The following ARHGEF28 variants were observed in gnomAD, a reference collection of about 807,000 sequenced individuals.
ARHGEF28 encodes Rho guanine nucleotide exchange factor 28.
A neutral mutation model predicts 206.6 loss-of-function variants in ARHGEF28; 152 were observed. That is an observed-to-expected ratio of 0.74 (90% confidence interval 0.64 to 0.84). The LOEUF (loss-of-function observed/expected upper bound fraction) is 0.84, where lower values mean the gene tolerates loss of function less well. ARHGEF28 is among the 40% of genes least tolerant of loss of function. ARHGEF28 has a pLI of 0.00. For synonymous variants in ARHGEF28, 763 were observed against 776.4 expected, an observed-to-expected ratio of 0.98 and a Z score of 0.29; for missense variants, 2,028 against 2,073.2, an observed-to-expected ratio of 0.98 and a Z score of 0.42.
intron 2 of ARHGEF28, among the ~76,000 whole-genome samples, chr5:73,723,133 C>T (rs568342438): frequency 3.4e-4 from 51 of 152,176 alleles, no homozygotes; most frequent in Non-Finnish European, 5.0e-4. Flanking sequence ...AGGTTAGTCT[C>T]CTCTCTTATC....
At chr5:73,686,536 C>T (rs1487947382) in intron 2 of ARHGEF28, among the ~76,000 whole-genome samples, 80 of 123,788 alleles carry the variant, frequency 6.5e-4, no homozygotes, top group African/African-American at 1.5e-3. Context: ...TTTTTTTTTT[C>T]GAGACGGAGT....
chr5:73,765,677 A>G (rs763399160), intron 4 of ARHGEF28, among the ~76,000 whole-genome samples: 40 of 152,170 alleles, frequency 2.6e-4, no homozygotes, highest in Non-Finnish European at 5.0e-4. Flanking sequence ...GGACCACCAC[A>G]CTCATCTTTG....
At chr5:73,756,998 G>A (rs1752349586) in intron 4 of ARHGEF28, among the ~76,000 whole-genome samples, 1 of 152,188 alleles carries the variant, frequency 6.6e-6, no homozygotes, top group Non-Finnish European at 1.5e-5. Flanking sequence ...CTCTATGGAT[G>A]TATTTTGACT....
chr5:73,859,539 C>T (rs1759260721), intron 16 of ARHGEF28, among the ~76,000 whole-genome samples: 1 of 152,184 alleles, frequency 6.6e-6, no homozygotes, highest in Non-Finnish European at 1.5e-5. Context: ...TCACAGTTGA[C>T]ATTGTGTTTA....
At chr5:73,886,496 G>A (rs1370376586) in intron 25 of ARHGEF28, among the ~76,000 whole-genome samples, 1 of 152,132 alleles carries the variant, frequency 6.6e-6, no homozygotes, top group Admixed American at 6.5e-5. Flanking sequence ...GACAATGGAG[G>A]GGAGAAATAA....
chr5:73,869,908 A>AG (rs1759983655), intron 20 of ARHGEF28, among the ~76,000 whole-genome samples, 161 bp from the exon 21 acceptor site: 1 of 152,014 alleles, frequency 6.6e-6, no homozygotes, highest in East Asian at 1.9e-4. Context: ...ACTGTCTCAA[A>AG]AAAAAACAGA....
intron 12 of ARHGEF28, among the ~76,000 whole-genome samples, chr5:73,847,847 G>T: frequency 6.6e-6 from 1 of 152,180 alleles, no homozygotes; most frequent in East Asian, 1.9e-4. Context: ...AGGACAACTT[G>T]GGTTGGCCTT....
intron 16 of ARHGEF28, among the ~76,000 whole-genome samples, chr5:73,861,944 T>G (rs898752984): frequency 1.3e-5 from 2 of 152,196 alleles, no homozygotes; most frequent in African/African-American, 4.8e-5. Context: ...ATACATACAG[T>G]CTCTGCTGTT....
In ARHGEF28 at chr5:73,822,609, G is replaced by A. The variant is rs571779228; in HGVS notation, c.1025-9729G>A. 2.0e-5 allele frequency among the ~76,000 whole-genome samples: 3 copies of A among 152,250 alleles called. No individual in the cohort carries two copies. The South Asian group carries it at 6.2e-4, about 32-fold the overall frequency. On this transcript the variant is annotated intron_variant, in intron 9 of 35. Transcript: ENST00000513042. ...GGAATGGGCGAGGAGATGAATGCTA[G>A]TTTACCTCTGGAAATGTCCTGCCCA...
intron 35 of ARHGEF28, among the ~76,000 whole-genome samples, chr5:73,926,162 TAAG>T (rs941057089): frequency 2.0e-5 from 3 of 152,194 alleles, no homozygotes; most frequent in Non-Finnish European, 4.4e-5. Context: ...AATGAATGAA[TAAG>T]AAGTTCAAAT....
intron 7 of ARHGEF28, among the ~76,000 whole-genome samples, chr5:73,783,380 G>A (rs34724928): frequency 0.29 from 41,601 of 141,884 alleles, 6,420 homozygotes; most frequent in Non-Finnish European, 0.39. Context: ...GTGTGTGTGT[G>A]TGTGTATGTG....
intron 3 of ARHGEF28, among the ~76,000 whole-genome samples, 188 bp from the exon 4 acceptor site, chr5:73,752,721 A>T (rs73763108): frequency 0.015 from 2,233 of 152,274 alleles, 41 homozygotes; most frequent in African/African-American, 0.051. Context: ...CTGAAAGAAG[A>T]TGGAGTCAGC....
rs1363189906 is a variant in ARHGEF28, at chr5:73,694,462, G to A, written c.33+9578G>A. ...AGAACTTGAAGTAGCCGATATTTTT[G>A]TTCTGTTTGAGTTTTTAAAATGTTT... On this transcript the variant is annotated intron_variant, in intron 2 of 35. Coordinates refer to ENST00000513042, the MANE Select transcript of ARHGEF28 (RefSeq NM_001177693.2). Among the ~76,000 whole-genome samples, 3 of 152,066 alleles carry A rather than the reference G, an allele frequency of 2.0e-5. 1 individual carries two copies.
Position 73,883,850 on chromosome 5 carries a change from T to C in ARHGEF28, c.3021T>C (p.Pro1007=), listed in dbSNP as rs560887908. The C allele has an allele frequency of 8.5e-5, 134 of 1,572,388 alleles. 4 individuals carry two copies. Among genetic ancestry groups the C allele is most frequent in the Non-Finnish European group, 2.6e-6 (3 of 1,158,698 alleles). The change falls in exon 24 of 36, where the codon CCT becomes CCC. Residue 1007 remains proline (P), a synonymous_variant. Coordinates refer to ENST00000513042, the MANE Select transcript of ARHGEF28 (RefSeq NM_001177693.2). ...LLVTQRITKY[P]VLVERILQYT... ...TCACTCAGCGTATTACAAAATACCCTGTCTTGGTGGAAAGGATATTGCAGT... is the reference window on the plus strand; with the variant it reads ...TCACTCAGCGTATTACAAAATACCCCGTCTTGGTGGAAAGGATATTGCAGT...
At chr5:73,641,955 T>A (rs986886638) in intron 1 of ARHGEF28, among the ~76,000 whole-genome samples, 15 of 152,248 alleles carry the variant, frequency 9.9e-5, no homozygotes, top group African/African-American at 3.6e-4. Context: ...CTATTCCTGC[T>A]TTGCAGATAA....
chr5:73,747,348 G>A (rs1751774860), intron 2 of ARHGEF28, among the ~76,000 whole-genome samples: 1 of 152,148 alleles, frequency 6.6e-6, no homozygotes, highest in South Asian at 2.1e-4. Context: ...CAGATTTTCA[G>A]TGGACTCAGT....
At chr5:73,886,204 A>G (rs1761283741) in intron 25 of ARHGEF28, 100 bp downstream of exon 25, 13 of 1,404,692 alleles carry the variant, frequency 9.3e-6, no homozygotes, top group South Asian at 3.1e-5. Context: ...TTGCAGGCAC[A>G]CATGCGCAAA....
intron 7 of ARHGEF28, chr5:73,786,434 C>G (rs1479405294): frequency 2.0e-5 from 3 of 152,196 alleles, no homozygotes; most frequent in African/African-American, 7.2e-5. Flanking sequence ...TATTTAGCGT[C>G]TGGACTGCTC....
chr5:73,772,284 A>G (rs1238992829), intron 4 of ARHGEF28, among the ~76,000 whole-genome samples: 2 of 152,128 alleles, frequency 1.3e-5, no homozygotes, highest in Admixed American at 6.5e-5. Context: ...CTACTATGGT[A>G]TGGGAGAACA....
Sources: gnomAD v4.1 joint callset for allele counts (sites outside exome capture counted in the v4.1 genomes callset) on GRCh38, gnomAD v4.1.1 for gene constraint, MANE v1.5 for transcripts, NCBI Gene and HGNC (gene_info 2026-07-23, HGNC 2026-07-21) for gene names.